CSH1: variants seen among roughly 807,000 people sequenced by gnomAD.
The protein encoded by CSH1 is Chorionic somatomammotropin hormone 2.
In CSH1, 17 loss-of-function variants were observed where a neutral mutation model predicts 19.4. The observed-to-expected ratio is 0.88, with a 90% CI of 0.60 to 1.31. The LOEUF is 1.31. Among genes scored for constraint, CSH1 ranks in the 40% most tolerant of loss-of-function variants. CSH1 has a pLI of 0.00. For synonymous variants in CSH1, 72 were observed against 104.6 expected (o/e 0.69, Z 1.90); for missense variants, 190 against 243.1 (o/e 0.78, Z 1.45).
rs368663907 is a variant in CSH1 at position 63,895,580 on chromosome 17, G to T, written c.349C>A (p.Arg117=). The T allele has an allele frequency of 6.6e-5, 105 of 1,592,002 alleles. 4 individuals are homozygous for T. Among genetic ancestry groups the T allele is most frequent in the Non-Finnish European group, 8.3e-5 (97 of 1,173,178 alleles). ...LLIESWLEPV[R]FLRSMFANNL... ...TTGGCGAACATACTCCTGAGGAACCGCACGGGCTCCAGCCACGACTCGATG... is the reference window on the plus strand; with the variant it reads ...TTGGCGAACATACTCCTGAGGAACCTCACGGGCTCCAGCCACGACTCGATG... The change falls in exon 4 of 5, where the codon CGG becomes AGG. Residue 117 remains arginine (R), a synonymous_variant. Transcript: ENST00000316193.
At chr17:63,895,436 G>T in intron 4 of CSH1, 37 bp downstream of exon 4, 9 of 1,612,922 alleles carry the variant, frequency 5.6e-6, no homozygotes, top group East Asian at 2.2e-5. Context: ...GAAGCCAGTG[G>T]GGTTCCAGGA....
chr17:63,895,152 T>G lies in CSH1; in HGVS notation c.524A>C (p.Asn175Thr). 6.2e-7 allele frequency: 1 copy of G among 1,612,554 alleles called. No individual in the cohort carries two copies. Among genetic ancestry groups the G allele is most frequent in the Non-Finnish European group, 8.5e-7 (1 of 1,179,484 alleles). The change falls in exon 5 of 5, where the codon AAC becomes ACC. Residue 175 changes from asparagine to threonine, a missense_variant. By Grantham distance (65) the Asn-to-Thr change is moderately conservative. Coordinates refer to ENST00000316193, the MANE Select transcript of CSH1 (RefSeq NM_001317.6). ...LKQTYSKFDT[N>T]SHNHDALLKN... ...GAGCAGTGCGTCATGGTTGTGCGAG[T>G]TTGTGTCAAACTTGCTGTAGGTCTG...
At chr17:63,895,438 G>C (rs778857917) in intron 4 of CSH1, 35 bp downstream of exon 4, 36 of 1,612,856 alleles carry the variant, frequency 2.2e-5, no homozygotes, top group Middle Eastern at 1.6e-4. Flanking sequence ...AGCCAGTGGG[G>C]TTCCAGGATT....
Position 63,895,547 on chromosome 17 carries a change from C to A in CSH1, c.382G>T (p.Val128Leu), listed in dbSNP as rs1396781922. Residue 128 changes from valine (V) to leucine (L), a missense_variant, in exon 4 of 5, where the codon GTG becomes TTG. Around this residue, in one of 3 missense-constraint regions of CSH1, gnomAD observed 175 missense variants for 187.2 expected, o/e 0.93. Transcript: ENST00000316193. ...FLRSMFANNL[V>L]YDTSDSDDYH... is the part of the protein sequence containing the mutation. Reference sequence around the variant, plus strand: ...TCATCGCTGTCCGAGGTGTCATACACCAGGTTGTTGGCGAACATACTCCTG... The same window carrying A: ...TCATCGCTGTCCGAGGTGTCATACAACAGGTTGTTGGCGAACATACTCCTG... 2 of 1,607,052 alleles carry A rather than the reference C, an allele frequency of 1.2e-6. No homozygotes were observed. The highest frequency in any genetic ancestry group is 8.5e-7 in the Non-Finnish European group (1 of 1,178,304).
Position 63,895,605 on chromosome 17 carries a change from G to A in CSH1, c.324C>T (p.Leu108=), listed in dbSNP as rs750223819. Residue 108 remains leucine (L), a synonymous_variant, in exon 4 of 5, where the codon CTC becomes CTT. Coordinates refer to ENST00000316193, the MANE Select transcript of CSH1 (RefSeq NM_001317.6). ...NLELLRISLL[L]IESWLEPVRF... is the part of the protein sequence containing the mutation. ...GCACGGGCTCCAGCCACGACTCGAT[G>A]AGCAGCAGGGAGATGCGGAGCAGCT... 3.8e-6 allele frequency: 6 copies of A among 1,578,546 alleles called. No homozygotes were observed. Among genetic ancestry groups the A allele is most frequent in the Non-Finnish European group, 5.1e-6 (6 of 1,166,756 alleles).
intron 4 of CSH1, 40 bp from the exon 5 acceptor site, chr17:63,895,259 G>T: frequency 6.2e-7 from 1 of 1,612,806 alleles, no homozygotes; most frequent in Non-Finnish European, 8.5e-7. Flanking sequence ...CAAGCGCTTG[G>T]GCACTGTTCC....
chr17:63,895,279 T>C (rs377046204), intron 4 of CSH1, 60 bp from the exon 5 acceptor site: 2 of 1,612,728 alleles, frequency 1.2e-6, no homozygotes, highest in African/African-American at 1.3e-5. Flanking sequence ...CCTCCCTCTC[T>C]CATTTATCCA....
rs1906099661 is a variant in CSH1, at chr17:63,895,721, A to G, written c.291+10T>C. The G allele has an allele frequency of 3.7e-6, 4 of 1,082,696 alleles. No individual in the cohort carries two copies. The highest frequency in any genetic ancestry group is 5.0e-6 in the Non-Finnish European group (4 of 801,166). The allele number at this position is 1,082,696 out of a possible 1,614,324, so 67.1% of individuals were successfully genotyped here. A position where few individuals can be genotyped will look rare whatever the true frequency, so the allele number is the denominator to read the frequency against. ...CCCATCCCCGCCTAGGGGAGACGGC[A>G]TCCACTCACGGATTTCTGTTGCGTT... On this transcript the variant is annotated intron_variant, in intron 3 of 4. Transcript: ENST00000316193.
In CSH1 at chr17:63,894,975, G is replaced by A. The variant is rs763260644; in HGVS notation, c.*47C>T. 1.6e-5 allele frequency: 25 copies of A among 1,612,600 alleles called. No homozygotes were observed. In the East Asian group the frequency reaches 1.6e-4, roughly 10 times the overall value. ...GTGGGCACTGGAGTGGCACCTTCAG[G>A]GCCAGGAGAGGCACTGGGGAGGGGT... On this transcript the variant is annotated 3_prime_UTR_variant, in exon 5 of 5. Transcript: ENST00000316193.
Position 63,896,268 on chromosome 17 carries a change from C to T in CSH1, c.11-33G>A, listed in dbSNP as rs747416812. On this transcript the variant is annotated intron_variant, in intron 1 of 4. Coordinates refer to ENST00000316193, the MANE Select transcript of CSH1 (RefSeq NM_001317.6). ...GAAACCGGAGGGCAATGGAGGGAGC[C>T]GGAGAGGAAGAGGCCAGCGCTCTCC... 2.8e-5 allele frequency: 43 copies of T among 1,556,796 alleles called. 1 individual carries two copies. The highest frequency in any genetic ancestry group is 3.9e-5 in the Admixed American group (2 of 51,672).
In CSH1 at chr17:63,895,150, A is replaced by G. The variant is rs780451914; in HGVS notation, c.526T>C (p.Ser176Pro). ...KQTYSKFDTN[S>P]HNHDALLKNY... is the part of the protein sequence containing the mutation. ...TTGAGCAGTGCGTCATGGTTGTGCG[A>G]GTTTGTGTCAAACTTGCTGTAGGTC... is the stretch of plus-strand genomic sequence containing the variant. Residue 176 changes from serine (S) to proline (P), a missense_variant, in exon 5 of 5, where the codon TCG (serine) becomes CCG (proline). Physicochemically the swap from Ser to Pro is moderately conservative, Grantham distance 74 (BLOSUM62 -1). Around this residue, in one of 3 missense-constraint regions of CSH1, gnomAD observed 175 missense variants for 187.2 expected, o/e 0.93. Coordinates refer to ENST00000316193, the MANE Select transcript of CSH1 (RefSeq NM_001317.6). 4 of 1,612,644 alleles carry G rather than the reference A, an allele frequency of 2.5e-6. No individual in the cohort carries two copies. In the East Asian group the frequency reaches 8.9e-5, roughly 36 times the overall value.
chr17:63,895,246 G>A, intron 4 of CSH1, 27 bp from the exon 5 acceptor site: 2 of 1,612,822 alleles, frequency 1.2e-6, no homozygotes, highest in Non-Finnish European at 1.7e-6. Flanking sequence ...GAGAAGGAGA[G>A]GCCAAGCGCT....
chr17:63,896,480 A>G lies in CSH1; in HGVS notation c.10+22T>C, dbSNP rs752180226. 204 of 1,612,502 alleles carry G rather than the reference A, an allele frequency of 1.3e-4. 1 individual carries two copies. Among genetic ancestry groups the G allele is most frequent in the African/African-American group, 6.7e-5 (5 of 74,512 alleles). ...CTCCCCTCAGGACACGTTGTGCCCAAAGGGATTTTAGGGGCGCTTACCTGG... is the reference window on the plus strand; with the variant it reads ...CTCCCCTCAGGACACGTTGTGCCCAGAGGGATTTTAGGGGCGCTTACCTGG... On this transcript the variant is annotated intron_variant, in intron 1 of 4. Coordinates refer to ENST00000316193, the MANE Select transcript of CSH1 (RefSeq NM_001317.6).
chr17:63,895,934 G>A (rs1490003444), intron 2 of CSH1, 84 bp from the exon 3 acceptor site: 3 of 491,894 alleles, frequency 6.1e-6, no homozygotes, highest in Non-Finnish European at 9.6e-6. Flanking sequence ...TGGGAACCTG[G>A]CTCAGCCTAT....
chr17:63,895,124 C>G lies in CSH1; in HGVS notation c.552G>C (p.Lys184Asn), dbSNP rs773528973. Reference sequence around the variant, plus strand: ...TGAAGCAGTAGAGCAGCCCGTAGTTCTTGAGCAGTGCGTCATGGTTGTGCG... The same window carrying G: ...TGAAGCAGTAGAGCAGCCCGTAGTTGTTGAGCAGTGCGTCATGGTTGTGCG... ...TNSHNHDALL[K>N]NYGLLYCFRK... Residue 184 changes from lysine (K) to asparagine (N), a missense_variant, in exon 5 of 5, where the codon AAG becomes AAC. Lys to Asn is a moderately conservative substitution (Grantham distance 94, BLOSUM62 0). Around this residue, in one of 3 missense-constraint regions of CSH1, gnomAD observed 175 missense variants for 187.2 expected, o/e 0.93. Coordinates refer to ENST00000316193, the MANE Select transcript of CSH1 (RefSeq NM_001317.6). The G allele has an allele frequency of 1.5e-5, 24 of 1,612,710 alleles. No individual in the cohort carries two copies. In the East Asian group the frequency reaches 4.9e-4, roughly 33 times the overall value.
Position 63,895,806 on chromosome 17 carries a change from A to G in CSH1, c.216T>C (p.His72=). The G allele has an allele frequency of 1.7e-6, 1 of 571,688 alleles. No homozygotes were observed. The allele number at this position is 571,688 out of a possible 1,614,324, so 35.4% of individuals were successfully genotyped here. ...AGAAGCAGAAGGAGGTCTGGGAGTC[A>G]TGCAGGAATGAATACTTCTGGTCCT... ...IPKDQKYSFL[H]DSQTSFCFSD... Residue 72 remains histidine, a synonymous_variant, in exon 3 of 5, where the codon CAT becomes CAC. Transcript: ENST00000316193.
Position 63,896,079 on chromosome 17 carries a change from T to G in CSH1, c.167A>C (p.Glu56Ala). 1 of 1,043,256 alleles carries G rather than the reference T, an allele frequency of 9.6e-7. No individual in the cohort carries two copies. The highest frequency in any genetic ancestry group is 1.3e-6 in the Non-Finnish European group (1 of 783,702). The allele number at this position is 1,043,256 out of a possible 1,614,324, so 64.6% of individuals were successfully genotyped here. A position where few individuals can be genotyped will look rare whatever the true frequency, so the allele number is the denominator to read the frequency against. The change falls in exon 2 of 5, where the codon GAG becomes GCG. Residue 56 changes from glutamate to alanine, a missense_variant. By Grantham distance (107) the Glu-to-Ala change is moderately radical (BLOSUM62 -1). Transcript: ENST00000316193. ...ACCCATTCCCCAAGAACTTACAAAC[T>G]CCTGGTAGGTGTCAATGGCCAGCTG... ...AHQLAIDTYQ[E>A]FEETYIPKDQ...
At chr17:63,896,352 A>T (rs1222897734) in intron 1 of CSH1, 117 bp from the exon 2 acceptor site, 4 of 1,600,552 alleles carry the variant, frequency 2.5e-6, no homozygotes, top group Admixed American at 1.7e-5. Context: ...GACCAGGAAC[A>T]TTCAGAGATT....
chr17:63,896,529 T>C lies in CSH1; in HGVS notation c.-18A>G. The stretch of plus-strand genomic sequence containing the variant: ...GGAGCCATTGCCACTAGGTGAGCTG[T>C]CCACAGGACCCTGAGTGGTTCGGGG... On this transcript the variant is annotated 5_prime_UTR_variant, in exon 1 of 5. Transcript: ENST00000316193. The C allele has an allele frequency of 6.2e-7, 1 of 1,613,476 alleles. No homozygotes were observed. Among genetic ancestry groups the C allele is most frequent in the South Asian group, 1.1e-5 (1 of 91,078 alleles).
Sources: allele counts gnomAD v4.1 joint callset, GRCh38; gene constraint gnomAD v4.1.1; regional missense constraint gnomAD v4.1.1; transcripts MANE v1.5; gene names NCBI Gene and HGNC (gene_info 2026-07-23, HGNC 2026-07-21).